HS1BP3: variants seen among roughly 807,000 people sequenced by gnomAD.
The protein encoded by HS1BP3 is HCLS1-binding protein 3.
Under a neutral mutation model 33.5 loss-of-function variants are expected in HS1BP3, and 32 were observed. The ratio of observed to expected loss-of-function variants is 0.95; its 90% CI spans 0.72 to 1.28. The LOEUF (loss-of-function observed/expected upper bound fraction) is 1.28. Ranked by LOEUF, HS1BP3 falls within the 50% of genes most tolerant of loss-of-function variation. The pLI is 0.00. For synonymous variants in HS1BP3, 187 were observed against 209.2 expected (o/e 0.89, Z 0.92); for missense variants, 486 against 502.3 (o/e 0.97, Z 0.31).
intron 2 of HS1BP3, among the ~76,000 whole-genome samples, chr2:20,604,568 G>A (rs1010169843): frequency 6.6e-5 from 10 of 152,206 alleles, no homozygotes; most frequent in East Asian, 1.9e-4. Flanking sequence ...CATGTTTCAC[G>A]TGAGCACCTC....
chr2:20,577,228 G>A (rs550111160), intron 5 of HS1BP3, among the ~76,000 whole-genome samples: 12 of 152,046 alleles, frequency 7.9e-5, no homozygotes, highest in East Asian at 3.9e-4. Flanking sequence ...TAATATTTCC[G>A]TATCGGGGAG....
intron 3 of HS1BP3, among the ~76,000 whole-genome samples, chr2:20,596,005 G>A (rs1342376139): frequency 6.6e-6 from 1 of 152,200 alleles, no homozygotes; most frequent in Non-Finnish European, 1.5e-5. Flanking sequence ...GTCCTGAAAT[G>A]TAAAGCAGAG....
intron 4 of HS1BP3, among the ~76,000 whole-genome samples, chr2:20,628,874 A>C: frequency 6.6e-6 from 1 of 152,100 alleles, no homozygotes. Context: ...GGGAACCCAG[A>C]TTCCTCTTGG....
intron 3 of HS1BP3, chr2:20,598,097 CTG>C (rs1481224771): frequency 6.0e-6 from 1 of 166,538 alleles, no homozygotes; most frequent in African/African-American, 2.4e-5. Context: ...TTTCCACAAA[CTG>C]GAGATGGAGG....
chr2:20,598,389 T>A (rs1693991108), intron 2 of HS1BP3: 1 of 201,852 alleles, frequency 5.0e-6, no homozygotes, highest in South Asian at 7.0e-5. Context: ...CCTGTGAGAA[T>A]CTAATGCTGC....
At chr2:20,641,617 G>A (rs148505965) in intron 2 of HS1BP3, among the ~76,000 whole-genome samples, 16 of 152,284 alleles carry the variant, frequency 1.1e-4, no homozygotes, top group African/African-American at 3.1e-4. Flanking sequence ...GAACCAGTGT[G>A]GCCTTCGGCG....
chr2:20,640,269 G>C (rs1204658027), intron 3 of HS1BP3: 1 of 152,610 alleles, frequency 6.6e-6, no homozygotes, highest in Non-Finnish European at 1.5e-5. Context: ...ACCGAGGAGT[G>C]GGGTAAAATT....
chr2:20,589,564 G>T (rs1366593071), downstream of HS1BP3, among the ~76,000 whole-genome samples: 1 of 152,226 alleles, frequency 6.6e-6, no homozygotes, highest in East Asian at 1.9e-4. Context: ...CAGCTGGTCA[G>T]TGAGGCTGGA....
At chr2:20,562,976 G>A (rs1433631108) in intron 5 of HS1BP3, among the ~76,000 whole-genome samples, 1 of 152,124 alleles carries the variant, frequency 6.6e-6, no homozygotes, top group African/African-American at 2.4e-5. Flanking sequence ...CAGTACCTGG[G>A]AACCTTCTCA....
chr2:20,575,826 A>C (rs148788376), intron 5 of HS1BP3, among the ~76,000 whole-genome samples: 3,207 of 152,090 alleles, frequency 0.021, 42 homozygotes, highest in Non-Finnish European at 0.031. Flanking sequence ...ATTAATTTAC[A>C]ATGTGAGTGA....
chr2:20,609,564 G>T (rs1418102579), intron 2 of HS1BP3, among the ~76,000 whole-genome samples: 2 of 152,286 alleles, frequency 1.3e-5, no homozygotes, highest in East Asian at 1.9e-4. Flanking sequence ...GGGCTGAGCC[G>T]CTCTGTGGAT....
intron 4 of HS1BP3, among the ~76,000 whole-genome samples, chr2:20,631,721 C>T (rs371197509): frequency 2.4e-4 from 36 of 152,018 alleles, no homozygotes; most frequent in African/African-American, 8.0e-4. Flanking sequence ...GTGGGTGATG[C>T]CATTTTTCCT....
intron 2 of HS1BP3, among the ~76,000 whole-genome samples, chr2:20,609,509 C>T (rs1417005358): frequency 6.6e-6 from 1 of 152,168 alleles, no homozygotes; most frequent in Non-Finnish European, 1.5e-5. Context: ...AATACTGAGG[C>T]TCCTCTTGGC....
chr2:20,622,744 T>C, intron 6 of HS1BP3: 1 of 173,114 alleles, frequency 5.8e-6, no homozygotes, highest in Non-Finnish European at 1.3e-5. Context: ...ACTCTAGTAT[T>C]TCATTTCCCT....
intron 5 of HS1BP3, among the ~76,000 whole-genome samples, chr2:20,575,754 G>C (rs1359700251): frequency 2.4e-4 from 7 of 28,766 alleles, no homozygotes; most frequent in Non-Finnish European, 5.8e-4. Flanking sequence ...CTGTCTCCTT[G>C]GTTCCACCCC....
chr2:20,638,176 G>A, intron 4 of HS1BP3: 1 of 589,278 alleles, frequency 1.7e-6, no homozygotes, highest in Non-Finnish European at 3.0e-6. Context: ...AAGCCCCAGT[G>A]CGGAGCCACA....
chr2:20,593,406 G>A (rs554298024), intron 3 of HS1BP3, among the ~76,000 whole-genome samples: 5 of 152,214 alleles, frequency 3.3e-5, no homozygotes, highest in South Asian at 2.1e-4. Context: ...GTGTCCCAGC[G>A]GCTAGAACAA....
chr2:20,573,286 C>T (rs933371358), intron 5 of HS1BP3, among the ~76,000 whole-genome samples: 1 of 152,092 alleles, frequency 6.6e-6, no homozygotes. Flanking sequence ...GGAGCATGGG[C>T]CTGCTGACAC....
intron 5 of HS1BP3, among the ~76,000 whole-genome samples, chr2:20,581,271 T>C (rs1300334189): frequency 6.6e-6 from 1 of 152,252 alleles, no homozygotes; most frequent in Non-Finnish European, 1.5e-5. Flanking sequence ...TGTATTAGTG[T>C]TCTATTTAGT....
Sources: allele counts gnomAD v4.1 joint callset (sites outside exome capture counted in the v4.1 genomes callset), GRCh38; gene constraint gnomAD v4.1.1; transcripts MANE v1.5; gene names NCBI Gene and HGNC (gene_info 2026-07-23, HGNC 2026-07-21).